Variants in PTPN3 observed in about 807,000 individuals in gnomAD.
The protein encoded by PTPN3 is tyrosine-protein phosphatase non-receptor type 3.
Under a neutral mutation model 132.7 loss-of-function variants are expected in PTPN3, and 96 were observed. The observed-to-expected ratio is 0.72, with a 90% CI of 0.61 to 0.86. The LOEUF (loss-of-function observed/expected upper bound fraction) is 0.86, where lower values mean the gene tolerates loss of function less well. Among genes scored for constraint, PTPN3 ranks in the 40% least tolerant of loss-of-function variants. PTPN3 has a pLI of 0.00. For synonymous variants in PTPN3, 398 were observed against 429.0 expected, an observed-to-expected ratio of 0.93 and a Z score of 0.89; for missense variants, 1,125 against 1,159.6, an observed-to-expected ratio of 0.97 and a Z score of 0.43.
intron 5 of PTPN3, among the ~76,000 whole-genome samples, chr9:109,454,054 G>A (rs140612327): frequency 8.4e-4 from 128 of 152,250 alleles, no homozygotes; most frequent in African/African-American, 3.0e-3. Flanking sequence ...AACAAGAGAT[G>A]TCTTGTTATC....
chr9:109,438,297 T>C (rs918019397), intron 7 of PTPN3, 63 bp from the exon 8 acceptor site: 98 of 1,509,140 alleles, frequency 6.5e-5, no homozygotes, highest in Non-Finnish European at 8.5e-5. Context: ...GGTTTGCATT[T>C]ATAAGCATCT....
rs142673154 is a variant in PTPN3 at position 109,385,707 on chromosome 9, G to C, written c.2254-2156C>G. On this transcript the variant is annotated intron_variant, in intron 22 of 25. Coordinates refer to ENST00000374541, the MANE Select transcript of PTPN3 (RefSeq NM_002829.4). ...CATATGCAAAGCTGAGCATATAAGA[G>C]AAGAAGCACTTCTGGAGAAGTTGTC... Among the ~76,000 whole-genome samples the C allele has an allele frequency of 6.4e-3, 973 of 152,344 alleles. 12 individuals are homozygous for C. The highest frequency in any genetic ancestry group is 0.022 in the African/African-American group (903 of 41,568).
chr9:109,439,146 A>G (rs1844269603), intron 7 of PTPN3, among the ~76,000 whole-genome samples: 1 of 152,178 alleles, frequency 6.6e-6, no homozygotes, highest in South Asian at 2.1e-4. Flanking sequence ...AAGGACTCAA[A>G]CCATTTGGGT....
intron 6 of PTPN3, among the ~76,000 whole-genome samples, chr9:109,446,116 G>T (rs1219650757): frequency 6.6e-6 from 1 of 152,212 alleles, no homozygotes; most frequent in Non-Finnish European, 1.5e-5. Flanking sequence ...TGGAGCAGGG[G>T]TCACTGCTGG....
intron 24 of PTPN3, 63 bp from the exon 25 acceptor site, chr9:109,381,850 G>C: frequency 6.3e-7 from 1 of 1,594,098 alleles, no homozygotes; most frequent in South Asian, 1.1e-5. Context: ...ATGGCCCAGC[G>C]AGCAGTTCCC....
chr9:109,470,409 A>G (rs761783429), intron 1 of PTPN3, among the ~76,000 whole-genome samples: 2 of 152,156 alleles, frequency 1.3e-5, no homozygotes, highest in Non-Finnish European at 2.9e-5. Context: ...GGTACCTCAA[A>G]GAGGACAGCT....
chr9:109,449,055 T>A, intron 5 of PTPN3, 200 bp from the exon 6 acceptor site: 1 of 1,391,652 alleles, frequency 7.2e-7, no homozygotes, highest in Non-Finnish European at 9.3e-7. Flanking sequence ...GTTGATGCCC[T>A]ACGTCTTGAC....
At chr9:109,380,675 C>G (rs1219651947) in intron 25 of PTPN3, among the ~76,000 whole-genome samples, 1 of 152,076 alleles carries the variant, frequency 6.6e-6, no homozygotes. Flanking sequence ...TTTTTTTTCT[C>G]TTAACAAGAT....
chr9:109,436,635 A>G (rs1246948421), intron 9 of PTPN3, among the ~76,000 whole-genome samples: 3 of 152,218 alleles, frequency 2.0e-5, no homozygotes, highest in Non-Finnish European at 4.4e-5. Flanking sequence ...TCTTACAAAA[A>G]TTACTAGTTT....
chr9:109,456,357 A>G (rs1845563762), intron 4 of PTPN3, among the ~76,000 whole-genome samples: 1 of 152,250 alleles, frequency 6.6e-6, no homozygotes, highest in Non-Finnish European at 1.5e-5. Context: ...TGAGGACAAG[A>G]GCATTCAGAA....
rs914569595 is a variant in PTPN3 at position 109,454,942 on chromosome 9, A to G, written c.290-368T>C. 8.8e-4 allele frequency among the ~76,000 whole-genome samples: 134 copies of G among 152,266 alleles called. 2 individuals are homozygous for G. Among genetic ancestry groups the G allele is most frequent in the Non-Finnish European group, 2.4e-4 (16 of 68,048 alleles). On this transcript the variant is annotated intron_variant, in intron 4 of 25. Coordinates refer to ENST00000374541, the MANE Select transcript of PTPN3 (RefSeq NM_002829.4). ...ATAGCCTGCGTTTGTGTAGCCATTT[A>G]TAAGTTTCAAGCATTTTCATGTACA...
At chr9:109,490,215 A>C (rs575330108) in intron 1 of PTPN3, among the ~76,000 whole-genome samples, 74 of 151,966 alleles carry the variant, frequency 4.9e-4, no homozygotes, top group African/African-American at 1.6e-3. Context: ...AACAAAAAAA[A>C]CCCCACATCA....
chr9:109,416,153 G>A (rs1797481625), intron 14 of PTPN3, among the ~76,000 whole-genome samples: 2 of 152,226 alleles, frequency 1.3e-5, no homozygotes, highest in South Asian at 4.1e-4. Context: ...TTAAGGAACA[G>A]TAACCAAGGC....
At chr9:109,432,662 C>T (rs1216155114) in intron 10 of PTPN3, among the ~76,000 whole-genome samples, 1 of 152,166 alleles carries the variant, frequency 6.6e-6, no homozygotes, top group Non-Finnish European at 1.5e-5. Flanking sequence ...CTTTGGGTCC[C>T]TTTAGAGTTT....
At chr9:109,524,445 T>G in the PTPN3 span, among the ~76,000 whole-genome samples, 1 of 152,218 alleles carries the variant, frequency 6.6e-6, no homozygotes, top group Non-Finnish European at 1.5e-5. Context: ...TCACTACTCA[T>G]GTGAAATGCC....
intron 22 of PTPN3, among the ~76,000 whole-genome samples, chr9:109,384,066 G>A (rs1196644759): frequency 3.9e-5 from 6 of 152,160 alleles, no homozygotes; most frequent in African/African-American, 4.8e-5. Context: ...AGATGATGTC[G>A]AAACAGTTGC....
chr9:109,493,676 T>C (rs536732143), intron 1 of PTPN3, among the ~76,000 whole-genome samples: 1 of 152,302 alleles, frequency 6.6e-6, no homozygotes, highest in South Asian at 2.1e-4. Flanking sequence ...ACAGATCCCG[T>C]TCTTTGGTTC....
At chr9:109,514,135 TCA>T in the PTPN3 span, among the ~76,000 whole-genome samples, 5 of 152,180 alleles carry the variant, frequency 3.3e-5, no homozygotes, top group African/African-American at 2.4e-5. Context: ...CCAGTATTTC[TCA>T]CATCCTTCCC....
chr9:109,508,122 C>G, the PTPN3 span, among the ~76,000 whole-genome samples: 1 of 151,992 alleles, frequency 6.6e-6, no homozygotes, highest in Non-Finnish European at 1.5e-5. Context: ...TATGAGCTCT[C>G]TAATCCCTGC....
Sources: gnomAD v4.1 joint callset for allele counts (sites outside exome capture counted in the v4.1 genomes callset) on GRCh38, gnomAD v4.1.1 for gene constraint, MANE v1.5 for transcripts, NCBI Gene and HGNC (gene_info 2026-07-23, HGNC 2026-07-21) for gene names.